Variants in MACROD2 observed in about 807,000 individuals in gnomAD.
The protein encoded by MACROD2 is ADP-ribose glycohydrolase MACROD2.
A neutral mutation model predicts 70.4 loss-of-function variants in MACROD2; 36 were observed. The ratio of observed to expected loss-of-function variants is 0.51; its 90% CI spans 0.39 to 0.68. The LOEUF is 0.68. Ranked by LOEUF, MACROD2 falls within the 30% of genes least tolerant of loss-of-function variation. The probability of loss-of-function intolerance (pLI) is 0.00; values close to 1 mark genes in which losing one functional copy is unlikely to be tolerated. For synonymous variants in MACROD2, 172 were observed against 178.8 expected (o/e 0.96, Z 0.30); for missense variants, 496 against 538.4 (o/e 0.92, Z 0.78).
chr20:14,316,553 GT>G (rs1042134118), intron 3 of MACROD2, among the ~76,000 whole-genome samples: 6 of 151,784 alleles, frequency 4.0e-5, no homozygotes, highest in South Asian at 2.1e-4. Context: ...TAAAACATGA[GT>G]TTTTTTTGTG....
chr20:14,454,988 G>A (rs181475264), intron 3 of MACROD2, among the ~76,000 whole-genome samples: 5 of 151,786 alleles, frequency 3.3e-5, no homozygotes, highest in East Asian at 3.9e-4. Flanking sequence ...TCCTGACCTC[G>A]TGATCCGCCT....
intron 3 of MACROD2, among the ~76,000 whole-genome samples, chr20:14,206,668 T>C (rs1322595511): frequency 1.3e-5 from 2 of 151,826 alleles, no homozygotes; most frequent in Non-Finnish European, 2.9e-5. Flanking sequence ...TTTTTTTTTT[T>C]TTAAGTCAGT....
chr20:14,247,157 T>A (rs578220706), intron 3 of MACROD2, among the ~76,000 whole-genome samples: 1 of 152,254 alleles, frequency 6.6e-6, no homozygotes, highest in Admixed American at 6.5e-5. Flanking sequence ...TATATAAATA[T>A]ATAAATAAAT....
intron 9 of MACROD2, among the ~76,000 whole-genome samples, chr20:15,882,742 G>T (rs1313161459): frequency 2.6e-5 from 4 of 152,078 alleles, no homozygotes; most frequent in African/African-American, 9.7e-5. Flanking sequence ...ACTCTGGACA[G>T]ACTCTTAACC....
intron 5 of MACROD2, among the ~76,000 whole-genome samples, chr20:15,009,806 T>C (rs1174795270): frequency 6.6e-6 from 1 of 151,254 alleles, no homozygotes; most frequent in Non-Finnish European, 1.5e-5. Flanking sequence ...CTGAATACAT[T>C]GTTTCGGCTT....
intron 3 of MACROD2, among the ~76,000 whole-genome samples, chr20:14,257,804 T>C (rs920363433): frequency 2.6e-5 from 4 of 152,210 alleles, no homozygotes; most frequent in Admixed American, 6.5e-5. Flanking sequence ...AGTTCTTTAG[T>C]GGTAATTACC....
rs147158358 is a variant in MACROD2, at chr20:14,471,092, G to A, written c.272-22387G>A. ...AATCTCCTGGTCTGTGGGTTTCTAT[G>A]ACCATGGGAAAAGTGTAGTATCTGG... On this transcript the variant is annotated intron_variant, in intron 3 of 17. Transcript: ENST00000684519. Among the ~76,000 whole-genome samples, 779 of 152,300 alleles carry A rather than the reference G, an allele frequency of 5.1e-3. 5 individuals are homozygous for A. The highest frequency in any genetic ancestry group is 0.014 in the Middle Eastern group (4 of 294).
At chr20:14,971,052 T>C (rs1266803638) in intron 5 of MACROD2, among the ~76,000 whole-genome samples, 1 of 152,216 alleles carries the variant, frequency 6.6e-6, no homozygotes, top group Non-Finnish European at 1.5e-5. Context: ...GTCCCTTTTA[T>C]AAAATGACGT....
chr20:15,651,409 AG>A (rs1237000159), intron 8 of MACROD2, among the ~76,000 whole-genome samples: 7 of 152,306 alleles, frequency 4.6e-5, no homozygotes, highest in African/African-American at 1.7e-4. Flanking sequence ...AGTAGATGCT[AG>A]CCAACATATG....
chr20:15,907,460 A>C (rs1181633572), intron 10 of MACROD2, among the ~76,000 whole-genome samples: 1 of 152,234 alleles, frequency 6.6e-6, no homozygotes, highest in African/African-American at 2.4e-5. Flanking sequence ...TTTGGTGTTT[A>C]GGGTTTCTAA....
chr20:14,327,593 A>AT (rs1241391201), intron 3 of MACROD2: 12 of 1,388,574 alleles, frequency 8.6e-6, no homozygotes, highest in Non-Finnish European at 1.1e-5. Context: ...ACAGAAAACA[A>AT]TAAGGCCAGC....
chr20:15,367,889 CTATATTT>C (rs1365645527), intron 6 of MACROD2, among the ~76,000 whole-genome samples: 1 of 152,016 alleles, frequency 6.6e-6, no homozygotes, highest in Non-Finnish European at 1.5e-5. Context: ...CCTTTTTAAA[CTATATTT>C]TATATATTTT....
intron 6 of MACROD2, among the ~76,000 whole-genome samples, chr20:15,293,552 GA>G (rs2077559887): frequency 6.6e-6 from 1 of 152,194 alleles, no homozygotes; most frequent in African/African-American, 2.4e-5. Flanking sequence ...GTTCAAAGCA[GA>G]AAAAGTTTGC....
chr20:14,142,140 C>A (rs1270633593), intron 3 of MACROD2, among the ~76,000 whole-genome samples: 1 of 152,134 alleles, frequency 6.6e-6, no homozygotes, highest in Non-Finnish European at 1.5e-5. Context: ...TATAAAATCT[C>A]TTTTAGTTTC....
rs199921046 is a variant in MACROD2, at chr20:14,002,443, C to T, written c.163+39C>T. ...AACATTTTTTAGGTAGATATTTTTCCCATTTTAGGACAATTGTTGACAGAA... is the reference window on the plus strand; with the variant it reads ...AACATTTTTTAGGTAGATATTTTTCTCATTTTAGGACAATTGTTGACAGAA... On this transcript the variant is annotated intron_variant, in intron 2 of 17. Transcript: ENST00000684519. 1.8e-4 allele frequency: 229 copies of T among 1,285,670 alleles called. No individual in the cohort carries two copies. The Middle Eastern group carries it at 4.7e-3, about 26-fold the overall frequency. The allele number at this position is 1,285,670 out of a possible 1,614,324, so 79.6% of individuals were successfully genotyped here.
intron 4 of MACROD2, among the ~76,000 whole-genome samples, chr20:14,498,031 G>T (rs1600304697): frequency 2.0e-5 from 3 of 151,828 alleles, no homozygotes; most frequent in African/African-American, 7.3e-5. Context: ...TCAGTGCCTT[G>T]TGTTAGTACC....
rs115513444 is a variant in MACROD2 at position 14,663,823 on chromosome 20, T to C, written c.302-21020T>C. On this transcript the variant is annotated intron_variant, in intron 4 of 17. Coordinates refer to ENST00000684519, the MANE Select transcript of MACROD2 (RefSeq NM_001351661.2). ...CATTTAGCTTTACAGTTAAACTATTTGTACAAACTCTTGGTCATATAACAT... is the reference window on the plus strand; with the variant it reads ...CATTTAGCTTTACAGTTAAACTATTCGTACAAACTCTTGGTCATATAACAT... 8.1e-3 allele frequency among the ~76,000 whole-genome samples: 1,234 copies of C among 152,222 alleles called. 12 individuals carry two copies. The highest frequency in any genetic ancestry group is 0.027 in the African/African-American group (1,107 of 41,570).
At chr20:15,634,724 C>T (rs942165852) in intron 8 of MACROD2, among the ~76,000 whole-genome samples, 6 of 152,184 alleles carry the variant, frequency 3.9e-5, no homozygotes, top group Non-Finnish European at 7.3e-5. Flanking sequence ...TGTCAGTTAT[C>T]GCTCAGCATC....
intron 3 of MACROD2, among the ~76,000 whole-genome samples, chr20:14,320,874 C>G (rs1261019657): frequency 6.6e-6 from 1 of 152,026 alleles, no homozygotes; most frequent in African/African-American, 2.4e-5. Flanking sequence ...TTCTTCATAA[C>G]CAGTATGTGC....
Sources: gnomAD v4.1 joint callset for allele counts (sites outside exome capture counted in the v4.1 genomes callset) on GRCh38, gnomAD v4.1.1 for gene constraint, MANE v1.5 for transcripts, NCBI Gene and HGNC (gene_info 2026-07-23, HGNC 2026-07-21) for gene names.